Variants in SORBS2 observed in about 807,000 individuals in gnomAD.
SORBS2 encodes sorbin and SH3 domain containing 2.
Under a neutral mutation model 97.7 loss-of-function variants are expected in SORBS2, and 46 were observed. That is an observed-to-expected ratio of 0.47 (90% CI 0.37 to 0.60). SORBS2 has a LOEUF of 0.60. SORBS2 is among the 20% of genes least tolerant of loss of function. SORBS2 has a pLI of 0.00. For missense variants in SORBS2, 1,316 were observed against 1,282.3 expected (o/e 1.03, Z -0.40); for synonymous variants, 476 against 473.4 (o/e 1.01, Z -0.07).
intron 4 of SORBS2, chr4:185,677,294 G>A: frequency 1.3e-6 from 2 of 1,552,210 alleles, no homozygotes; most frequent in Non-Finnish European, 1.7e-6. Context: ...TTAGTTTCAA[G>A]GTAGAAATCC....
intron 1 of SORBS2, among the ~76,000 whole-genome samples, chr4:185,882,951 TAAA>T (rs2099237586): frequency 6.6e-6 from 1 of 151,892 alleles, no homozygotes; most frequent in Non-Finnish European, 1.5e-5. Flanking sequence ...ATATAAAACT[TAAA>T]GAAGAAAATA....
At chr4:185,923,710 C>T (rs2099262135) in intron 1 of SORBS2, among the ~76,000 whole-genome samples, 1 of 151,852 alleles carries the variant, frequency 6.6e-6, no homozygotes, top group South Asian at 2.1e-4. Context: ...AAGCTCTACC[C>T]CCTACATTTG....
intron 2 of SORBS2, among the ~76,000 whole-genome samples, chr4:185,712,871 T>C (rs1283688290): frequency 6.6e-6 from 1 of 152,102 alleles, no homozygotes; most frequent in Non-Finnish European, 1.5e-5. Context: ...ATCGCTACTG[T>C]CTCTTTAAAA....
At chr4:185,920,592 C>T (rs1260899874) in intron 1 of SORBS2, among the ~76,000 whole-genome samples, 1 of 152,116 alleles carries the variant, frequency 6.6e-6, no homozygotes, top group Admixed American at 6.6e-5. Flanking sequence ...AGATTCCAGC[C>T]ATCCAACAGT....
intron 2 of SORBS2, among the ~76,000 whole-genome samples, chr4:185,714,547 A>C (rs564011484): frequency 6.6e-6 from 1 of 152,316 alleles, no homozygotes; most frequent in South Asian, 2.1e-4. Flanking sequence ...CAGGTGTATT[A>C]ATCTGTTCTC....
At chr4:185,798,489 GA>G (rs974903597) in intron 1 of SORBS2, among the ~76,000 whole-genome samples, 41 of 152,092 alleles carry the variant, frequency 2.7e-4, no homozygotes, top group African/African-American at 9.2e-4. Flanking sequence ...GTGACAAGCA[GA>G]AAAAACTCGT....
chr4:185,725,220 CTGCTATAATCCA>C (rs2098547400), intron 2 of SORBS2, among the ~76,000 whole-genome samples: 1 of 152,204 alleles, frequency 6.6e-6, no homozygotes, highest in South Asian at 2.1e-4. Flanking sequence ...CCATCACAGC[CTGCTATAATCCA>C]TTAGTTACAA....
Position 185,623,694 on chromosome 4 carries a change from C to T in SORBS2, c.1435G>A (p.Ala479Thr). 21 of 1,614,010 alleles carry T rather than the reference C, an allele frequency of 1.3e-5. No individual in the cohort carries two copies. Among genetic ancestry groups the T allele is most frequent in the Non-Finnish European group, 1.8e-5 (21 of 1,180,018 alleles). Residue 479 changes from alanine to threonine, a missense_variant, in exon 7 of 15, where the codon GCC becomes ACC. Coordinates refer to ENST00000418609, the Ensembl canonical transcript of SORBS2. This position sits in a 1 kb window ranked among gnomAD's most constrained non-coding sequence, Gnocchi z 6.4. Reference sequence around the variant, plus strand: ...ACTTCAATGTGAATGGGCACCAGGGCGTTAGACTGGCAGCCTCGCCGGCCC... The same window carrying T: ...ACTTCAATGTGAATGGGCACCAGGGTGTTAGACTGGCAGCCTCGCCGGCCC...
At chr4:185,809,135 C>G (rs55793408) in intron 1 of SORBS2, among the ~76,000 whole-genome samples, 3 of 151,972 alleles carry the variant, frequency 2.0e-5, no homozygotes, top group African/African-American at 4.8e-5. Flanking sequence ...ACTTCTATTT[C>G]TAGGTCAAGT....
In SORBS2 at chr4:185,736,133, C is replaced by T. The variant is rs147734786; in HGVS notation, c.-198+39094G>A. ...CTCTCCACTGCCGCAGCGCGAGGGA[C>T]CCTTGTCATCATCCCACAGAGTTTG... On this transcript the variant is annotated intron_variant, in intron 2 of 20. Coordinates refer to the SORBS2 transcript ENST00000284776. Among the ~76,000 whole-genome samples the T allele has an allele frequency of 3.8e-3, 578 of 152,316 alleles. 3 individuals are homozygous for T. The highest frequency in any genetic ancestry group is 0.01 in the Middle Eastern group (3 of 294).
chr4:185,745,815 G>A (rs1002105287), intron 2 of SORBS2, among the ~76,000 whole-genome samples: 2 of 152,176 alleles, frequency 1.3e-5, no homozygotes, highest in African/African-American at 4.8e-5. Flanking sequence ...AGGAAAGCCT[G>A]TGTGACTGAT....
intron 1 of SORBS2, among the ~76,000 whole-genome samples, chr4:185,654,423 A>C (rs1581914214): frequency 6.6e-6 from 1 of 152,332 alleles, no homozygotes; most frequent in Admixed American, 6.5e-5. Flanking sequence ...GGCAACAAGG[A>C]AGCCTACTAA....
chr4:185,706,010 C>T (rs2098337028), intron 2 of SORBS2, among the ~76,000 whole-genome samples: 1 of 152,096 alleles, frequency 6.6e-6, no homozygotes, highest in East Asian at 1.9e-4. Flanking sequence ...TGGAAAATGG[C>T]AAAGATAATT....
upstream of SORBS2, chr4:185,657,490 G>A (rs2097427259): frequency 6.4e-7 from 1 of 1,569,816 alleles, no homozygotes; most frequent in Non-Finnish European, 8.6e-7. Flanking sequence ...GCGGGGCTTT[G>A]ATGACTGTCA....
At chr4:185,917,461 C>A (rs2099258808) in intron 1 of SORBS2, among the ~76,000 whole-genome samples, 1 of 152,256 alleles carries the variant, frequency 6.6e-6, no homozygotes, top group Non-Finnish European at 1.5e-5. Context: ...CTCCTGTCCT[C>A]GAGGGATCCA....
upstream of SORBS2, chr4:185,657,159 T>G (rs770628058): frequency 3.9e-4 from 132 of 341,366 alleles, 1 homozygote; most frequent in Non-Finnish European, 6.1e-4. Context: ...ACAAACAAAC[T>G]AAACCACACA....
At chr4:185,651,958 T>C (rs2097322582) in intron 2 of SORBS2, 130 bp from the exon 11 acceptor site, 1 of 630,906 alleles carries the variant, frequency 1.6e-6, no homozygotes, top group African/African-American at 1.9e-5. Context: ...ATAATGCCAT[T>C]TTCTTTCTTT....
At chr4:185,836,218 C>T (rs1258884539) in intron 1 of SORBS2, among the ~76,000 whole-genome samples, 1 of 152,108 alleles carries the variant, frequency 6.6e-6, no homozygotes, top group Non-Finnish European at 1.5e-5. Flanking sequence ...TTTACAGAAG[C>T]AGTTGGGAAG....
At chr4:185,794,938 T>C (rs2099098001) in intron 1 of SORBS2, among the ~76,000 whole-genome samples, 1 of 152,232 alleles carries the variant, frequency 6.6e-6, no homozygotes, top group East Asian at 1.9e-4. Flanking sequence ...CCAGCAGCAA[T>C]ACCCCACAGT....
Sources: gnomAD v4.1 joint callset for allele counts (sites outside exome capture counted in the v4.1 genomes callset) on GRCh38, gnomAD v4.1.1 for gene constraint, Gnocchi (gnomAD v3.1) non-coding constraint, MANE v1.5 for transcripts, NCBI Gene and HGNC (gene_info 2026-07-23, HGNC 2026-07-21) for gene names.